BOK: variants seen among roughly 807,000 people sequenced by gnomAD.
BOK encodes the protein bcl-2-related ovarian killer protein.
A neutral mutation model predicts 18.3 loss-of-function variants in BOK; 20 were observed. That is an observed-to-expected ratio of 1.09 (90% CI 0.77 to 1.59). BOK has a LOEUF of 1.59. BOK is among the 40% of genes most tolerant of loss of function. The pLI, the probability that BOK is intolerant of heterozygous loss-of-function variation, is 0.00. For synonymous variants in BOK, 173 were observed against 142.4 expected (o/e 1.21, Z -1.53); for missense variants, 348 against 307.9 (o/e 1.13, Z -0.97).
intron 3 of BOK, among the ~76,000 whole-genome samples, chr2:241,568,946 A>AACTCCCTCCAGGGACCACTGCTG (rs1022683344): frequency 5.3e-5 from 8 of 152,176 alleles, no homozygotes; most frequent in African/African-American, 1.2e-4. Context: ...TCCTCAGGCT[A>AACTCCCTCCAGGGACCACTGCTG]ACTCCCTCCA....
chr2:241,552,141 C>A (rs1432494281), intron 1 of BOK, among the ~76,000 whole-genome samples: 1 of 152,194 alleles, frequency 6.6e-6, no homozygotes, highest in African/African-American at 2.4e-5. Context: ...CAGCTGCTAC[C>A]TCAGGAGCAT....
At chr2:241,555,527 C>T (rs1304722429), upstream of BOK, among the ~76,000 whole-genome samples, 1 of 152,184 alleles carries the variant, frequency 6.6e-6, no homozygotes, top group Non-Finnish European at 1.5e-5. Context: ...AGACATGCGC[C>T]ACCACGCCTG....
intron 3 of BOK, among the ~76,000 whole-genome samples, chr2:241,565,632 G>C (rs987815041): frequency 2.6e-5 from 4 of 152,138 alleles, no homozygotes; most frequent in Admixed American, 1.3e-4. Context: ...GCCCTGCCCA[G>C]CCCCTCCACT....
chr2:241,554,953 G>A (rs559378885), upstream of BOK, among the ~76,000 whole-genome samples: 1 of 152,314 alleles, frequency 6.6e-6, no homozygotes, highest in South Asian at 2.1e-4. Flanking sequence ...TGCATGGCAA[G>A]AGTGGATGTA....
chr2:241,559,736 C>T, intron 2 of BOK, 33 bp downstream of exon 2: 1 of 1,284,794 alleles, frequency 7.8e-7, no homozygotes, highest in Non-Finnish European at 9.8e-7. Context: ...CCCAGCTGCG[C>T]CTCCTCCCCT....
At chr2:241,566,157 G>A (rs113414560) in intron 3 of BOK, among the ~76,000 whole-genome samples, 138 of 146,014 alleles carry the variant, frequency 9.5e-4, no homozygotes, top group African/African-American at 3.1e-3. Flanking sequence ...GGTGGCACAT[G>A]CCTGTAATCT....
chr2:241,564,468 G>A (rs377035492), intron 3 of BOK, among the ~76,000 whole-genome samples: 10 of 152,274 alleles, frequency 6.6e-5, no homozygotes, highest in East Asian at 3.9e-4. Context: ...GTGGGGGGCC[G>A]GGCCCAGGCC....
At chr2:241,553,721 C>T (rs2066431144) in intron 1 of BOK, among the ~76,000 whole-genome samples, 1 of 152,196 alleles carries the variant, frequency 6.6e-6, no homozygotes, top group Non-Finnish European at 1.5e-5. Flanking sequence ...CAGGCCCCTC[C>T]CCCAACACTG....
At chr2:241,568,923 T>C (rs2066659499) in intron 3 of BOK, among the ~76,000 whole-genome samples, 1 of 152,168 alleles carries the variant, frequency 6.6e-6, no homozygotes, top group Admixed American at 6.5e-5. Flanking sequence ...GCTTCATCTT[T>C]GCATGTACAG....
chr2:241,565,183 C>T (rs2066592250), intron 3 of BOK, among the ~76,000 whole-genome samples: 1 of 152,084 alleles, frequency 6.6e-6, no homozygotes, highest in Non-Finnish European at 1.5e-5. Flanking sequence ...TGGTCAGCAT[C>T]CCCCACCCCA....
chr2:241,560,309 G>A, intron 2 of BOK: 1 of 978,744 alleles, frequency 1.0e-6, no homozygotes, highest in Non-Finnish European at 1.2e-6. Context: ...TGACTGTCCA[G>A]TCCCCTCACC....
chr2:241,551,825 G>A (rs564410530), intron 1 of BOK, among the ~76,000 whole-genome samples: 1 of 152,292 alleles, frequency 6.6e-6, no homozygotes, highest in Admixed American at 6.5e-5. Flanking sequence ...CAGCGAGGGT[G>A]GGCTGGGATG....
At position 241,562,369 on chromosome 2, in the gene BOK, G is replaced by T. The variant is rs757085403; in HGVS notation, c.242G>T (p.Arg81Leu). 4 of 1,609,022 alleles carry T rather than the reference G, an allele frequency of 2.5e-6. No individual in the cohort carries two copies. In the Admixed American group the frequency reaches 6.7e-5, roughly 27 times the overall value. ...ACAGGCGATGAGCTGGAGATGATCC[G>T]GCCCAGCGTCTACCGCAACGTGGCG... ...LRLGDELEMI[R>L]PSVYRNVARQ... is the part of the protein sequence containing the mutation. Residue 81 changes from arginine to leucine, a missense_variant, in exon 3 of 5, where the codon CGG (arginine) becomes CTG (leucine). Physicochemically the swap from Arg to Leu is moderately radical, Grantham distance 102. Coordinates refer to ENST00000318407, the MANE Select transcript of BOK (RefSeq NM_032515.5). This position sits in a 1 kb window ranked among gnomAD's most constrained non-coding sequence, Gnocchi z 4.5.
At chr2:241,563,495 C>T (rs1004623222) in intron 3 of BOK, among the ~76,000 whole-genome samples, 1 of 152,222 alleles carries the variant, frequency 6.6e-6, no homozygotes, top group Non-Finnish European at 1.5e-5. Context: ...TTTCCAAGTG[C>T]TGTCCAGGTG....
chr2:241,556,681 T>C (rs2066454066), upstream of BOK, among the ~76,000 whole-genome samples: 1 of 151,784 alleles, frequency 6.6e-6, no homozygotes, highest in Admixed American at 6.6e-5. Context: ...TCATAGCAGA[T>C]AGAAGTTCCA....
In BOK at chr2:241,562,594, C is replaced by A; in HGVS notation, c.349+118C>A. The A allele has an allele frequency of 7.6e-7, 1 of 1,318,490 alleles. No individual in the cohort carries two copies. The allele number at this position is 1,318,490 out of a possible 1,614,324, so 81.7% of individuals were successfully genotyped here. On this transcript the variant is annotated intron_variant, in intron 3 of 4. Coordinates refer to ENST00000318407, the MANE Select transcript of BOK (RefSeq NM_032515.5). The surrounding 1 kb of genome is among the most constrained non-coding windows in gnomAD (Gnocchi z 4.5). Reference sequence around the variant, plus strand: ...CATCCTGGCGCTGCCCAGTGCCCACCGGTGCCATCTCACTGCTGCAGGTGT... The same window carrying A: ...CATCCTGGCGCTGCCCAGTGCCCACAGGTGCCATCTCACTGCTGCAGGTGT...
rs762991733 is a variant in BOK, at chr2:241,562,417, A to G, written c.290A>G (p.Gln97Arg). ...NVARQLHISLQSEPVVTDAFL... is the reference protein window; with the variant it reads ...NVARQLHISLRSEPVVTDAFL... ...GCGCGTCAGCTGCACATCTCCCTGC[A>G]GTCTGAGCCTGTGGTGACCGATGCG... Residue 97 changes from glutamine (Q) to arginine (R), a missense_variant, in exon 3 of 5, where the codon CAG (glutamine) becomes CGG (arginine). Transcript: ENST00000318407. The surrounding 1 kb of genome is among the most constrained non-coding windows in gnomAD (Gnocchi z 4.5). 1 of 1,612,378 alleles carries G rather than the reference A, an allele frequency of 6.2e-7. No homozygotes were observed. Among genetic ancestry groups the G allele is most frequent in the Admixed American group, 1.7e-5 (1 of 60,000 alleles).
rs1416884690 is a variant in BOK at position 241,570,160 on chromosome 2, G to C, written c.385G>C (p.Val129Leu). Reference sequence around the variant, plus strand: ...GGGCAAGGTGGTGTCCCTGTATGCGGTGGCCGCGGGGCTGGCCGTGGACTG... The same window carrying C: ...GGGCAAGGTGGTGTCCCTGTATGCGCTGGCCGCGGGGCTGGCCGTGGACTG... ...TWGKVVSLYA[V>L]AAGLAVDCVR... The change falls in exon 4 of 5, where the codon GTG becomes CTG. Residue 129 changes from valine (V) to leucine (L), a missense_variant. By Grantham distance (32) the Val-to-Leu change is conservative. Transcript: ENST00000318407. 2 of 1,611,380 alleles carry C rather than the reference G, an allele frequency of 1.2e-6. No individual in the cohort carries two copies. Among genetic ancestry groups the C allele is most frequent in the African/African-American group, 2.7e-5 (2 of 74,862 alleles).
In BOK at chr2:241,559,538, G is replaced by C; in HGVS notation, c.55G>C (p.Asp19His). The C allele has an allele frequency of 6.6e-7, 1 of 1,524,756 alleles. No individual in the cohort carries two copies. The highest frequency in any genetic ancestry group is 8.7e-7 in the Non-Finnish European group (1 of 1,145,196). 94.5% of individuals were successfully genotyped at this position (1,524,756 alleles called of 1,614,324 possible). A position where few individuals can be genotyped will look rare whatever the true frequency, so the allele number is the denominator to read the frequency against. ...VFAAEIMDAF[D>H]RSPTDKELVA... ...CGCCGCCGAGATCATGGACGCCTTTGACCGCTCGCCCACAGACAAGGAGCT... is the reference window on the plus strand; with the variant it reads ...CGCCGCCGAGATCATGGACGCCTTTCACCGCTCGCCCACAGACAAGGAGCT... The change falls in exon 2 of 5, where the codon GAC (aspartate) becomes CAC (histidine). Residue 19 changes from aspartate (D) to histidine (H), a missense_variant. Asp to His is a moderately conservative substitution (Grantham distance 81). Coordinates refer to ENST00000318407, the MANE Select transcript of BOK (RefSeq NM_032515.5).
Sources: allele counts gnomAD v4.1 joint callset (sites outside exome capture counted in the v4.1 genomes callset), GRCh38; gene constraint gnomAD v4.1.1; non-coding constraint Gnocchi (gnomAD v3.1); transcripts MANE v1.5; gene names NCBI Gene and HGNC (gene_info 2026-07-23, HGNC 2026-07-21).